RASAL2: variants seen among roughly 807,000 people sequenced by gnomAD.
RASAL2 encodes RAS protein activator like 2, also known as ras GTPase-activating protein nGAP.
A neutral mutation model predicts 128.9 loss-of-function variants in RASAL2; 58 were observed. The ratio of observed to expected loss-of-function variants is 0.45; its 90% CI spans 0.36 to 0.56. The LOEUF (loss-of-function observed/expected upper bound fraction) is 0.56, where lower values mean the gene tolerates loss of function less well. Among genes scored for constraint, RASAL2 ranks in the 20% least tolerant of loss-of-function variants. The pLI is 0.00. For synonymous variants in RASAL2, 561 were observed against 580.8 expected (o/e 0.97, Z 0.49); for missense variants, 1,360 against 1,601.6 (o/e 0.85, Z 2.57).
At chr1:178,462,810 G>A (rs1018218525) in intron 14 of RASAL2, among the ~76,000 whole-genome samples, 29 of 152,206 alleles carry the variant, frequency 1.9e-4, no homozygotes, top group African/African-American at 6.3e-4. Context: ...TAGTGTGTAC[G>A]GGTCTATTTA....
chr1:178,197,607 TGG>T (rs760144951), intron 1 of RASAL2, among the ~76,000 whole-genome samples: 1 of 131,518 alleles, frequency 7.6e-6, no homozygotes, highest in African/African-American at 3.2e-5. Flanking sequence ...AGACTCCATC[TGG>T]GGAAAAAAAA....
rs1009289514 is a variant in RASAL2, at chr1:178,153,086, A to G, written c.202+58392A>G. 4.6e-5 allele frequency among the ~76,000 whole-genome samples: 7 copies of G among 152,118 alleles called. No homozygotes were observed. The South Asian group carries it at 1.0e-3, about 22-fold the overall frequency. ...TATATTTCTAGATCTCTCTTAATTT[A>G]TAGATTCTTTCTCTCTCCCAACCCC... On this transcript the variant is annotated intron_variant, in intron 1 of 17. Coordinates refer to ENST00000367649, the MANE Select transcript of RASAL2 (RefSeq NM_170692.4).
chr1:178,222,189 TAACG>T (rs1663638532), intron 1 of RASAL2, among the ~76,000 whole-genome samples: 1 of 152,170 alleles, frequency 6.6e-6, no homozygotes, highest in African/African-American at 2.4e-5. Context: ...TGATTTATTC[TAACG>T]GTCTCTATTT....
rs898644140 is a variant in RASAL2, at chr1:178,325,571, T to C, written c.457+25453T>C. On this transcript the variant is annotated intron_variant, in intron 3 of 17. Coordinates refer to ENST00000367649, the MANE Select transcript of RASAL2 (RefSeq NM_170692.4). ...TAAAATAAGAAGAGAAAAAAATACA[T>C]TTAAAAGCAGAATATCATTAGCAGT... Among the ~76,000 whole-genome samples the C allele has an allele frequency of 7.2e-5, 11 of 152,316 alleles. 1 individual carries two copies. The highest frequency in any genetic ancestry group is 2.6e-4 in the African/African-American group (11 of 41,566).
intron 1 of RASAL2, among the ~76,000 whole-genome samples, chr1:178,240,316 A>G (rs979284005): frequency 6.6e-6 from 1 of 152,106 alleles, no homozygotes; most frequent in Non-Finnish European, 1.5e-5. Context: ...TCCTGTTCAT[A>G]GAATTCTAGA....
chr1:178,225,962 A>G (rs1017764986), intron 1 of RASAL2, among the ~76,000 whole-genome samples: 6 of 152,126 alleles, frequency 3.9e-5, no homozygotes, highest in African/African-American at 1.4e-4. Context: ...CTACAATCTC[A>G]CAGAACATTT....
At chr1:178,430,115 G>C (rs1675789280) in intron 5 of RASAL2, among the ~76,000 whole-genome samples, 1 of 152,004 alleles carries the variant, frequency 6.6e-6, no homozygotes, top group African/African-American at 2.4e-5. Context: ...GTCCTATTGA[G>C]GAACTCAATA....
At chr1:178,457,179 A>T (rs1677836179) in intron 13 of RASAL2, among the ~76,000 whole-genome samples, 1 of 152,230 alleles carries the variant, frequency 6.6e-6, no homozygotes. Flanking sequence ...TATGAAATTC[A>T]TGTTTCTGTA....
intron 4 of RASAL2, among the ~76,000 whole-genome samples, chr1:178,401,644 C>A (rs57978528): frequency 0.068 from 10,266 of 152,020 alleles, 1,117 homozygotes; most frequent in African/African-American, 0.23. Context: ...AGTGAGACCC[C>A]ATCTCTAAAA....
chr1:178,467,415 T>C lies in RASAL2; in HGVS notation c.3672T>C (p.Asp1224=). ...TTGATGCAAAGCAGAAAATAATTGA[T>C]GCACAGGTAAGCAGGCTTTGAATCT... ...AVIDAKQKII[D]AQEKRIVSLD... Residue 1224 remains aspartate, a synonymous_variant, in exon 17 of 18, where the codon GAT becomes GAC. Transcript: ENST00000367649. 6.2e-7 allele frequency: 1 copy of C among 1,613,496 alleles called. No individual in the cohort carries two copies. Among genetic ancestry groups the C allele is most frequent in the Non-Finnish European group, 8.5e-7 (1 of 1,179,406 alleles).
At chr1:178,318,418 G>A (rs1668589975) in intron 3 of RASAL2, among the ~76,000 whole-genome samples, 1 of 151,986 alleles carries the variant, frequency 6.6e-6, no homozygotes, top group Admixed American at 6.6e-5. Flanking sequence ...TTATTAATGT[G>A]TGGGAGTCTA....
At chr1:178,402,612 A>T (rs1461831733) in intron 4 of RASAL2, among the ~76,000 whole-genome samples, 1 of 152,178 alleles carries the variant, frequency 6.6e-6, no homozygotes, top group Non-Finnish European at 1.5e-5. Context: ...ATCCTTAGGA[A>T]AAAACAAATC....
In RASAL2 at chr1:178,441,553, C is replaced by A. The variant is rs768739345; in HGVS notation, c.833C>A (p.Thr278Asn). 6.2e-7 allele frequency: 1 copy of A among 1,611,260 alleles called. No individual in the cohort carries two copies. The highest frequency in any genetic ancestry group is 8.5e-7 in the Non-Finnish European group (1 of 1,178,134). The part of the protein sequence containing the change: ...ILGQDFCFEV[T>N]YLSGSKCFSC... ...TGTCTAATTTTTATGTTGAAGGTTA[C>A]CTACTTAAGTGGAAGTAAATGCTTC... Residue 278 changes from threonine (T) to asparagine (N), a missense_variant, in exon 7 of 18, where the codon ACC becomes AAC. Physicochemically the swap from Thr to Asn is moderately conservative, Grantham distance 65 (BLOSUM62 0). Coordinates refer to ENST00000367649, the MANE Select transcript of RASAL2 (RefSeq NM_170692.4).
intron 1 of RASAL2, among the ~76,000 whole-genome samples, chr1:178,228,621 GT>G (rs1194359330): frequency 2.0e-5 from 3 of 152,148 alleles, no homozygotes; most frequent in Admixed American, 1.3e-4. Flanking sequence ...AAACAATTGT[GT>G]TGATGGTTTA....
chr1:178,432,380 A>T (rs1052907171), intron 5 of RASAL2, among the ~76,000 whole-genome samples: 11 of 151,566 alleles, frequency 7.3e-5, no homozygotes, highest in Non-Finnish European at 1.6e-4. Flanking sequence ...CTTTCTTGAG[A>T]TCCCTCTTTC....
chr1:178,269,042 G>T (rs1332214435), intron 1 of RASAL2, among the ~76,000 whole-genome samples: 1 of 152,190 alleles, frequency 6.6e-6, no homozygotes, highest in South Asian at 2.1e-4. Flanking sequence ...CTATCTGAGT[G>T]TGCTGTATTT....
At chr1:178,367,139 A>G (rs892271528) in intron 3 of RASAL2, among the ~76,000 whole-genome samples, 1 of 152,174 alleles carries the variant, frequency 6.6e-6, no homozygotes, top group Non-Finnish European at 1.5e-5. Context: ...CTTCCTGTCT[A>G]ATTAAAGGTA....
chr1:178,266,095 G>A (rs2102151985), intron 1 of RASAL2, among the ~76,000 whole-genome samples: 2 of 152,256 alleles, frequency 1.3e-5, no homozygotes, highest in Middle Eastern at 6.8e-3. Context: ...ACTAAAACAT[G>A]TCCACATTTC....
intron 1 of RASAL2, among the ~76,000 whole-genome samples, chr1:178,213,811 TCTGTGAG>T (rs1171892536): frequency 2.0e-5 from 3 of 151,538 alleles, no homozygotes; most frequent in Non-Finnish European, 4.4e-5. Flanking sequence ...ATCCTGAAAA[TCTGTGAG>T]CTGAATTGAG....
Sources: allele counts gnomAD v4.1 joint callset (sites outside exome capture counted in the v4.1 genomes callset), GRCh38; gene constraint gnomAD v4.1.1; transcripts MANE v1.5; gene names NCBI Gene and HGNC (gene_info 2026-07-23, HGNC 2026-07-21).